MEIOB: variants seen among roughly 807,000 people sequenced by gnomAD.
MEIOB encodes the protein meiosis specific with OB-fold.
Under a neutral mutation model 53.1 loss-of-function variants are expected in MEIOB, and 50 were observed. The observed-to-expected ratio is 0.94, with a 90% CI of 0.75 to 1.19. MEIOB has a LOEUF of 1.19. Ranked by LOEUF, MEIOB falls within the 50% of genes most tolerant of loss-of-function variation. The pLI is 0.00. For synonymous variants in MEIOB, 192 were observed against 182.5 expected (o/e 1.05, Z -0.42); for missense variants, 551 against 550.8 (o/e 1.00, Z 0.00).
At chr16:1,845,531 A>T (rs550552999) in intron 9 of MEIOB, among the ~76,000 whole-genome samples, 1 of 152,154 alleles carries the variant, frequency 6.6e-6, no homozygotes, top group Non-Finnish European at 1.5e-5. Flanking sequence ...AAAAAAAAAT[A>T]CATATATAAA....
intron 10 of MEIOB, among the ~76,000 whole-genome samples, chr16:1,842,379 TCGAGG>T (rs1898932560): frequency 6.7e-6 from 1 of 148,170 alleles, no homozygotes; most frequent in Non-Finnish European, 1.5e-5. Flanking sequence ...ATTTGGGAGG[TCGAGG>T]TGGGCAGATC....
intron 13 of MEIOB, among the ~76,000 whole-genome samples, chr16:1,835,503 G>C (rs1280869699): frequency 2.6e-5 from 4 of 151,940 alleles, no homozygotes; most frequent in African/African-American, 9.7e-5. Context: ...TCAAGACTGA[G>C]AGAAAAAAAA....
intron 7 of MEIOB, among the ~76,000 whole-genome samples, chr16:1,853,812 T>G (rs1899230639): frequency 6.6e-6 from 1 of 152,204 alleles, no homozygotes. Context: ...AAACTCTGGC[T>G]TGTTCCATGG....
intron 2 of MEIOB, among the ~76,000 whole-genome samples, chr16:1,866,899 C>A (rs1383479772): frequency 6.6e-6 from 1 of 152,118 alleles, no homozygotes; most frequent in Non-Finnish European, 1.5e-5. Flanking sequence ...TATTAGCTAG[C>A]TTTATTGCTT....
intron 3 of MEIOB, among the ~76,000 whole-genome samples, chr16:1,863,799 G>A (rs113546877): frequency 5.9e-5 from 9 of 152,188 alleles, no homozygotes; most frequent in African/African-American, 1.7e-4. Context: ...TACTTAATGA[G>A]GACCACTAGG....
At chr16:1,850,253 T>A (rs1033093773) in intron 9 of MEIOB, among the ~76,000 whole-genome samples, 1 of 152,150 alleles carries the variant, frequency 6.6e-6, no homozygotes, top group East Asian at 1.9e-4. Context: ...CCTTAGAGGA[T>A]GAAGATTTTA....
chr16:1,834,142 T>C lies in MEIOB; in HGVS notation c.*114A>G, dbSNP rs1898675460. 1 of 631,686 alleles carries C rather than the reference T, an allele frequency of 1.6e-6. No homozygotes were observed. The highest frequency in any genetic ancestry group is 2.8e-6 in the Non-Finnish European group (1 of 358,196). 39.1% of individuals were successfully genotyped at this position (631,686 alleles called of 1,614,324 possible). A position where few individuals can be genotyped will look rare whatever the true frequency, so the allele number is the denominator to read the frequency against. The stretch of plus-strand genomic sequence containing the variant: ...TCCACCATAACAATTTCTAGAAACA[T>C]GTTCACCACATGTAAACAAAATGCA... On this transcript the variant is annotated 3_prime_UTR_variant, in exon 14 of 14. Transcript: ENST00000325962.
chr16:1,860,976 CT>C (rs1240935430), intron 4 of MEIOB, among the ~76,000 whole-genome samples: 1 of 152,040 alleles, frequency 6.6e-6, no homozygotes, highest in Non-Finnish European at 1.5e-5. Flanking sequence ...TTTCTTGTTC[CT>C]TTTATGAGGC....
intron 9 of MEIOB, among the ~76,000 whole-genome samples, chr16:1,847,413 G>C (rs1039969968): frequency 6.6e-6 from 1 of 151,808 alleles, no homozygotes; most frequent in African/African-American, 2.4e-5. Flanking sequence ...AGTGAGCTGA[G>C]CACATGCCAC....
In MEIOB at chr16:1,868,289, G is replaced by A. The variant is rs543813004; in HGVS notation, c.-9-105C>T. The A allele has an allele frequency of 4.1e-5, 24 of 582,030 alleles. No individual in the cohort carries two copies. The African/African-American group carries it at 4.3e-4, about 10-fold the overall frequency. The allele number at this position is 582,030 out of a possible 1,614,324, so 36.1% of individuals were successfully genotyped here. On this transcript the variant is annotated intron_variant, in intron 1 of 13. Coordinates refer to ENST00000325962, the MANE Select transcript of MEIOB (RefSeq NM_001163560.3). The stretch of plus-strand genomic sequence containing the variant: ...ATCTTATTTAGGGCCGGACATGGTG[G>A]CTCATACCTGTAATCCCAGCACTTT...
intron 4 of MEIOB, among the ~76,000 whole-genome samples, 198 bp from the exon 5 acceptor site, chr16:1,860,673 T>C (rs1348171380): frequency 6.6e-6 from 1 of 152,200 alleles, no homozygotes; most frequent in Non-Finnish European, 1.5e-5. Flanking sequence ...TTTATCTCCA[T>C]ATGTAACTAA....
At chr16:1,844,735 C>T (rs1461784328) in intron 10 of MEIOB, 127 bp downstream of exon 10, 13 of 559,654 alleles carry the variant, frequency 2.3e-5, no homozygotes, top group African/African-American at 1.8e-4. Flanking sequence ...TTTTAAGCTA[C>T]CTTTAGAAAG....
chr16:1,839,185 C>A, intron 12 of MEIOB, 70 bp downstream of exon 12: 1 of 1,449,358 alleles, frequency 6.9e-7, no homozygotes, highest in Non-Finnish European at 9.1e-7. Flanking sequence ...GACAAAACAA[C>A]CTATATTTTT....
Position 1,857,929 on chromosome 16 carries a change from T to C in MEIOB, c.334A>G (p.Asn112Asp), listed in dbSNP as rs1449327896. 1 of 1,513,218 alleles carries C rather than the reference T, an allele frequency of 6.6e-7. No individual in the cohort carries two copies. 93.7% of individuals were successfully genotyped at this position (1,513,218 alleles called of 1,614,324 possible). A position where few individuals can be genotyped will look rare whatever the true frequency, so the allele number is the denominator to read the frequency against. ...TTCTCACTGAGCAACAGTTTACAGT[T>C]GCTAAATTGCAAAAACACAAGAAAG... is the stretch of plus-strand genomic sequence containing the variant. Reference protein sequence around the residue: ...EEKFSPATPSNCKLLLSENHS... With the variant: ...EEKFSPATPSDCKLLLSENHS... Residue 112 changes from asparagine to aspartate, a missense_variant and splice_region_variant, in exon 6 of 14, where the codon AAC becomes GAC. Physicochemically the swap from Asn to Asp is conservative, Grantham distance 23. Coordinates refer to ENST00000325962, the MANE Select transcript of MEIOB (RefSeq NM_001163560.3).
intron 3 of MEIOB, among the ~76,000 whole-genome samples, chr16:1,864,898 A>G (rs1305017328): frequency 6.6e-6 from 1 of 152,196 alleles, no homozygotes; most frequent in Non-Finnish European, 1.5e-5. Context: ...GGAGATATAG[A>G]CTTCCTCAAA....
Position 1,857,854 on chromosome 16 carries a change from G to GTAA in MEIOB, c.406_408dup (p.Leu137dup). On this transcript the variant is annotated inframe_insertion, in exon 6 of 14. Transcript: ENST00000325962. ...TTAACAGGTAAATGTATCAAAGAAA[G>GTAA]TAACTTTGTGTCCACTTCATAACTG... 6.4e-7 allele frequency: 1 copy of GTAA among 1,551,202 alleles called. No homozygotes were observed. The highest frequency in any genetic ancestry group is 8.7e-7 in the Non-Finnish European group (1 of 1,146,572).
At position 1,861,966 on chromosome 16, in the gene MEIOB, A is replaced by C. The variant is rs1899454326; in HGVS notation, c.259+19T>G. On this transcript the variant is annotated intron_variant, in intron 4 of 13. Transcript: ENST00000325962. ...ATAACACTATGATGGAAAAAGTTTAAGAATCAATGCCAACTTACCACAGTC... is the reference window on the plus strand; with the variant it reads ...ATAACACTATGATGGAAAAAGTTTACGAATCAATGCCAACTTACCACAGTC... 3 of 1,547,444 alleles carry C rather than the reference A, an allele frequency of 1.9e-6. No homozygotes were observed. The highest frequency in any genetic ancestry group is 2.6e-6 in the Non-Finnish European group (3 of 1,145,240).
Position 1,841,841 on chromosome 16 carries a change from G to A in MEIOB, c.1013C>T (p.Thr338Ile), listed in dbSNP as rs758888459. ...ISTLNIDDET[T>I]KVVRNRCSSC... ...TTACCATCTATTTCGAACTACTTTT[G>A]TAGTTTCATCATCAATGTTGAGTGT... Residue 338 changes from threonine to isoleucine, a missense_variant, in exon 11 of 14, where the codon ACA becomes ATA. Coordinates refer to ENST00000325962, the MANE Select transcript of MEIOB (RefSeq NM_001163560.3). 6.3e-7 allele frequency: 1 copy of A among 1,585,766 alleles called. No homozygotes were observed. The highest frequency in any genetic ancestry group is 8.6e-7 in the Non-Finnish European group (1 of 1,168,010).
intron 4 of MEIOB, among the ~76,000 whole-genome samples, chr16:1,860,925 C>T (rs988660496): frequency 6.6e-6 from 1 of 152,090 alleles, no homozygotes; most frequent in Non-Finnish European, 1.5e-5. Flanking sequence ...ACCTGCATTA[C>T]TCTTTTCTCT....
Sources: allele counts gnomAD v4.1 joint callset (sites outside exome capture counted in the v4.1 genomes callset), GRCh38; gene constraint gnomAD v4.1.1; transcripts MANE v1.5; gene names NCBI Gene and HGNC (gene_info 2026-07-23, HGNC 2026-07-21).